ATR: variants seen among roughly 807,000 people sequenced by gnomAD.
The protein encoded by ATR is ATR checkpoint kinase.
ATR carries 142 observed loss-of-function variants against 305.3 expected under a neutral mutation model. That is an observed-to-expected ratio of 0.47 (90% CI 0.41 to 0.53). The LOEUF (loss-of-function observed/expected upper bound fraction) is 0.53, where lower values mean the gene tolerates loss of function less well. ATR is among the 20% of genes least tolerant of loss of function. The pLI is 0.00. For synonymous variants in ATR, 1,050 were observed against 1,068.1 expected (o/e 0.98, Z 0.33); for missense variants, 2,135 against 3,133.1 (o/e 0.68, Z 7.60).
chr3:142,528,175 G>C (rs2033475580), intron 21 of ATR, among the ~76,000 whole-genome samples: 1 of 152,160 alleles, frequency 6.6e-6, no homozygotes, highest in African/African-American at 2.4e-5. Context: ...TGTTCTATCT[G>C]CTCTTTAAAG....
chr3:142,569,486 AATTTTTTGT>A (rs1321569413), intron 1 of ATR, among the ~76,000 whole-genome samples: 2 of 151,734 alleles, frequency 1.3e-5, no homozygotes, highest in Admixed American at 6.6e-5. Context: ...ACACCCAGCT[AATTTTTTGT>A]ATTTTTTGTA....
intron 1 of ATR, 32 bp from the exon 2 acceptor site, chr3:142,568,186 A>G: frequency 6.4e-7 from 1 of 1,564,348 alleles, no homozygotes; most frequent in Non-Finnish European, 8.8e-7. Context: ...TTTAATCCTT[A>G]AAGTGACTCA....
At chr3:142,459,144 T>A (rs1577496890) in intron 43 of ATR, 33 bp from the exon 44 acceptor site, 1 of 1,613,450 alleles carries the variant, frequency 6.2e-7, no homozygotes. Context: ...GAAATATCCA[T>A]ATACATATGA....
At chr3:142,562,174 A>C in intron 4 of ATR, 58 bp downstream of exon 4, 1 of 1,560,826 alleles carries the variant, frequency 6.4e-7, no homozygotes, top group South Asian at 1.1e-5. Context: ...GCACATATGT[A>C]TACAATTAAA....
chr3:142,570,571 A>G (rs538624542), intron 1 of ATR, among the ~76,000 whole-genome samples: 2 of 152,242 alleles, frequency 1.3e-5, no homozygotes, highest in East Asian at 3.9e-4. Flanking sequence ...TATTTTTAGT[A>G]GAGACAGGGT....
rs745753556 is a variant in ATR at position 142,451,275 on chromosome 3, A to T, written c.7762-1673T>A. 3.1e-4 allele frequency: 370 copies of T among 1,208,336 alleles called. 1 individual carries two copies. Among genetic ancestry groups the T allele is most frequent in the Non-Finnish European group, 3.6e-4 (349 of 957,030 alleles). The allele number at this position is 1,208,336 out of a possible 1,614,324, so 74.9% of individuals were successfully genotyped here. A position where few individuals can be genotyped will look rare whatever the true frequency, so the allele number is the denominator to read the frequency against. On this transcript the variant is annotated intron_variant, in intron 46 of 46. Transcript: ENST00000350721. The stretch of plus-strand genomic sequence containing the variant: ...CTGTGGGACTGGCTAGCTGAGAGAA[A>T]CAAACAGGGCCAAGAGTGTGTGGGC...
Position 142,561,417 on chromosome 3 carries a change from A to G in ATR, c.1175T>C (p.Leu392Ser), listed in dbSNP as rs750153366. ...VLGIEVDAEY[L>S]LGPLYAALKM... ...CAAAGCTGCATAAAGTGGGCCCAAC[A>G]AGTACTGAGAAAATAAAAAATAATT... is the stretch of plus-strand genomic sequence containing the variant. The change falls in exon 5 of 47, where the codon TTG (leucine) becomes TCG (serine). Residue 392 changes from leucine (L) to serine (S), a missense_variant. Physicochemically the swap from Leu to Ser is moderately radical, Grantham distance 145 (BLOSUM62 -2). Around this residue, in one of 9 missense-constraint regions of ATR, gnomAD observed 744 missense variants for 873.2 expected, o/e 0.85. Coordinates refer to ENST00000350721, the MANE Select transcript of ATR (RefSeq NM_001184.4). The G allele has an allele frequency of 4.3e-6, 7 of 1,612,914 alleles. No individual in the cohort carries two copies. In the South Asian group the frequency reaches 7.7e-5, roughly 18 times the overall value.
chr3:142,469,598 A>T (rs368080947), intron 37 of ATR, 29 bp from the exon 38 acceptor site: 37 of 1,566,758 alleles, frequency 2.4e-5, no homozygotes, highest in Admixed American at 1.0e-4. Flanking sequence ...TTAAAAAACA[A>T]TAAAGGAAAG....
intron 21 of ATR, among the ~76,000 whole-genome samples, chr3:142,529,704 C>T (rs146604480): frequency 6.6e-6 from 1 of 152,234 alleles, no homozygotes; most frequent in East Asian, 1.9e-4. Context: ...TTTCTTGACT[C>T]ATACTTTATG....
At chr3:142,523,570 T>C (rs1459594652) in intron 22 of ATR, among the ~76,000 whole-genome samples, 1 of 152,174 alleles carries the variant, frequency 6.6e-6, no homozygotes, top group African/African-American at 2.4e-5. Context: ...TGCACACAGA[T>C]ACATTAAAAG....
chr3:142,513,306 T>C (rs528292872), intron 26 of ATR, among the ~76,000 whole-genome samples, 195 bp downstream of exon 26: 44 of 152,142 alleles, frequency 2.9e-4, no homozygotes, highest in Non-Finnish European at 5.4e-4. Flanking sequence ...GGCAACAAAT[T>C]GGTAGCTAGA....
intron 24 of ATR, among the ~76,000 whole-genome samples, chr3:142,519,219 T>G (rs764048249): frequency 6.6e-6 from 1 of 152,076 alleles, no homozygotes; most frequent in Non-Finnish European, 1.5e-5. Flanking sequence ...AGACAAATTA[T>G]AAGCATAAAT....
intron 46 of ATR, chr3:142,452,417 A>G (rs2070812304): frequency 8.1e-6 from 8 of 986,174 alleles, no homozygotes; most frequent in Non-Finnish European, 7.2e-6. Context: ...GCTTATGCCT[A>G]TAATCCCTGC....
At chr3:142,508,192 A>G in intron 27 of ATR, 83 bp from the exon 28 acceptor site, 4 of 1,151,528 alleles carry the variant, frequency 3.5e-6, no homozygotes, top group Non-Finnish European at 3.7e-6. Flanking sequence ...AGTTCAATTT[A>G]TTTCACTAAA....
chr3:142,476,570 A>G (rs914624136), intron 36 of ATR, among the ~76,000 whole-genome samples: 5 of 152,154 alleles, frequency 3.3e-5, no homozygotes, highest in Non-Finnish European at 5.9e-5. Flanking sequence ...TTGACTTGGC[A>G]ATGCAGGCTC....
chr3:142,534,943 G>A (rs753323170), intron 21 of ATR, 137 bp downstream of exon 21: 35 of 979,544 alleles, frequency 3.6e-5, no homozygotes, highest in Non-Finnish European at 4.6e-5. Flanking sequence ...CTAATTCTCA[G>A]TCAGATCTGA....
rs78267551 is a variant in ATR, at chr3:142,534,909, G to A, written c.3945+171C>T. On this transcript the variant is annotated intron_variant, in intron 21 of 46. Coordinates refer to ENST00000350721, the MANE Select transcript of ATR (RefSeq NM_001184.4). ...AAAACTGCAAATCCCTAAGATTCAA[G>A]CTCAAAGGGCATCTCATGGATTCCT... Among the ~76,000 whole-genome samples the A allele has an allele frequency of 0.013, 1,938 of 152,158 alleles. 17 individuals are homozygous for A. The highest frequency in any genetic ancestry group is 0.041 in the South Asian group (196 of 4,820).
intron 46 of ATR, chr3:142,450,973 CTCAAAA>C (rs2070775594): frequency 4.9e-6 from 6 of 1,213,984 alleles, no homozygotes; most frequent in Non-Finnish European, 6.2e-6. Flanking sequence ...GAATCTGACA[CTCAAAA>C]TCAGAACAAC....
chr3:142,561,171 T>G, intron 5 of ATR, 72 bp downstream of exon 5: 1 of 1,524,720 alleles, frequency 6.6e-7, no homozygotes, highest in East Asian at 2.3e-5. Flanking sequence ...AGCACTTAAC[T>G]AAAGCTGATT....
Sources: gnomAD v4.1 joint callset for allele counts (sites outside exome capture counted in the v4.1 genomes callset) on GRCh38, gnomAD v4.1.1 for gene constraint, gnomAD v4.1.1 regional missense constraint, MANE v1.5 for transcripts, NCBI Gene and HGNC (gene_info 2026-07-23, HGNC 2026-07-21) for gene names.